The following C16orf74 variants were observed in gnomAD, a reference collection of about 807,000 sequenced individuals.
C16orf74 encodes uncharacterized protein C16orf74.
Under a neutral mutation model 6.5 loss-of-function variants are expected in C16orf74, and 10 were observed. That is an observed-to-expected ratio of 1.54 (90% confidence interval 0.95 to 2.61). C16orf74 has a LOEUF of 2.61. Among genes scored for constraint, C16orf74 ranks in the 30% most tolerant of loss-of-function variants. C16orf74 has a pLI of 0.00. For synonymous variants in C16orf74, 60 were observed against 42.5 expected (o/e 1.41, Z -1.60); for missense variants, 141 against 105.9 (o/e 1.33, Z -1.45).
At chr16:85,721,864 G>C (rs1353678674) in intron 2 of C16orf74, among the ~76,000 whole-genome samples, 1 of 151,986 alleles carries the variant, frequency 6.6e-6, no homozygotes, top group East Asian at 1.9e-4. Context: ...CCCTTGACCT[G>C]CTGTGTGGTC....
At chr16:85,742,517 C>T (rs1365798166) in intron 1 of C16orf74, among the ~76,000 whole-genome samples, 1 of 152,170 alleles carries the variant, frequency 6.6e-6, no homozygotes, top group South Asian at 2.1e-4. Flanking sequence ...TGTTTCTTGT[C>T]CAGCATGCAG....
chr16:85,751,064 T>C lies in C16orf74; in HGVS notation c.-157A>G, dbSNP rs1328440489. On this transcript the variant is annotated 5_prime_UTR_variant, in exon 1 of 4. An upstream start codon of the reference 5' UTR is lost. Coordinates refer to ENST00000284245, the MANE Select transcript of C16orf74 (RefSeq NM_206967.3). ...CTGCAAGACAGAGCAGCGGGGGTCA[T>C]GGCCCGGCCGGCGCTCGGGCAGCCG... 1 of 147,944 alleles carries C rather than the reference T, an allele frequency of 6.8e-6. No homozygotes were observed. Among genetic ancestry groups the C allele is most frequent in the Non-Finnish European group, 1.5e-5 (1 of 66,464 alleles). 9.2% of individuals were successfully genotyped at this position (147,944 alleles called of 1,614,324 possible). A position where few individuals can be genotyped will look rare whatever the true frequency, so the allele number is the denominator to read the frequency against.
At chr16:85,725,538 T>C (rs7190685) in intron 2 of C16orf74, among the ~76,000 whole-genome samples, 3,722 of 152,312 alleles carry the variant, frequency 0.024, 148 homozygotes, top group African/African-American at 0.084. Context: ...AAGATTCTGA[T>C]GTGGGTGGAG....
intron 2 of C16orf74, among the ~76,000 whole-genome samples, chr16:85,726,812 C>T (rs914701346): frequency 2.0e-5 from 3 of 152,194 alleles, no homozygotes; most frequent in African/African-American, 4.8e-5. Flanking sequence ...CCATCCTCTC[C>T]GGCGTTGTGG....
chr16:85,707,844 C>T lies in C16orf74; in HGVS notation c.*164G>A, dbSNP rs1460480520. ...AAACACTGTTCTGGAAGTGGACAGG[C>T]TGGATTCCTCGCTGGTCCTGCCACG... On this transcript the variant is annotated 3_prime_UTR_variant, in exon 4 of 4. Transcript: ENST00000284245. 2.2e-5 allele frequency: 14 copies of T among 625,618 alleles called. No individual in the cohort carries two copies. Among genetic ancestry groups the T allele is most frequent in the Non-Finnish European group, 3.4e-5 (12 of 354,474 alleles). 38.8% of individuals were successfully genotyped at this position (625,618 alleles called of 1,614,324 possible).
intron 2 of C16orf74, among the ~76,000 whole-genome samples, chr16:85,712,027 T>A (rs561093618): frequency 6.6e-6 from 1 of 152,204 alleles, no homozygotes; most frequent in Non-Finnish European, 1.5e-5. Context: ...ATAAAAGACA[T>A]TGCAACTTCC....
chr16:85,726,817 T>C (rs1344537693), intron 2 of C16orf74, among the ~76,000 whole-genome samples: 4 of 152,182 alleles, frequency 2.6e-5, no homozygotes, highest in Non-Finnish European at 2.9e-5. Flanking sequence ...CTCTCCGGCG[T>C]TGTGGCCCCT....
chr16:85,746,191 A>G (rs960151135), intron 1 of C16orf74, among the ~76,000 whole-genome samples: 5 of 152,048 alleles, frequency 3.3e-5, no homozygotes, highest in Non-Finnish European at 5.9e-5. Context: ...CTCTACTAAA[A>G]ATACAAAAAT....
intron 2 of C16orf74, among the ~76,000 whole-genome samples, chr16:85,725,477 C>T (rs1262281545): frequency 1.3e-5 from 2 of 152,208 alleles, no homozygotes; most frequent in African/African-American, 4.8e-5. Flanking sequence ...CCAATCTCAT[C>T]CCAACCTCTG....
At chr16:85,712,356 A>C (rs1032679900) in intron 2 of C16orf74, among the ~76,000 whole-genome samples, 2 of 152,244 alleles carry the variant, frequency 1.3e-5, no homozygotes, top group Non-Finnish European at 2.9e-5. Flanking sequence ...AAGTTTTGGC[A>C]TAGTTTGTTA....
chr16:85,740,811 AAGAGAGTGAGAC>A (rs2054297645), intron 1 of C16orf74, among the ~76,000 whole-genome samples: 1 of 134,506 alleles, frequency 7.4e-6, no homozygotes, highest in Non-Finnish European at 1.6e-5. Flanking sequence ...CAGCCTGGGC[AAGAGAGTGAGAC>A]CCTCAAAAAA....
chr16:85,749,741 T>G (rs1465279912), intron 1 of C16orf74, among the ~76,000 whole-genome samples: 1 of 152,192 alleles, frequency 6.6e-6, no homozygotes, highest in Non-Finnish European at 1.5e-5. Flanking sequence ...ACGCTCCCAT[T>G]TCAAGTCTCC....
chr16:85,741,144 C>G (rs74034069), intron 1 of C16orf74, among the ~76,000 whole-genome samples: 2 of 152,198 alleles, frequency 1.3e-5, no homozygotes, highest in African/African-American at 4.8e-5. Context: ...CTGGCCTCCC[C>G]ACCATGGTCT....
intron 1 of C16orf74, among the ~76,000 whole-genome samples, chr16:85,736,881 T>C (rs1272017701): frequency 6.6e-6 from 1 of 151,916 alleles, no homozygotes; most frequent in Admixed American, 6.6e-5. Context: ...CCATCTCTAC[T>C]AAAAATAAAA....
In C16orf74 at chr16:85,719,527, G is replaced by T. The variant is rs142226609; in HGVS notation, c.29-9220C>A. 1.1e-3 allele frequency among the ~76,000 whole-genome samples: 163 copies of T among 152,238 alleles called. 1 individual carries two copies. Among genetic ancestry groups the T allele is most frequent in the Non-Finnish European group, 1.9e-3 (128 of 68,010 alleles). ...CCCATCTTCCAGACGGGCACACTGA[G>T]GCACAGAGAAGTCAGGGCACAGCCT... On this transcript the variant is annotated intron_variant, in intron 2 of 3. Transcript: ENST00000284245.
chr16:85,708,328 C>T (rs972185887), intron 3 of C16orf74, among the ~76,000 whole-genome samples: 2 of 152,164 alleles, frequency 1.3e-5, no homozygotes, highest in African/African-American at 4.8e-5. Flanking sequence ...CTGTGTCTCC[C>T]CTATGCCCCC....
At chr16:85,723,594 G>A (rs2054104208) in intron 2 of C16orf74, among the ~76,000 whole-genome samples, 1 of 152,182 alleles carries the variant, frequency 6.6e-6, no homozygotes, top group South Asian at 2.1e-4. Context: ...TGGCAAAGCT[G>A]TCAAAATGTG....
intron 2 of C16orf74, among the ~76,000 whole-genome samples, chr16:85,731,708 G>A (rs1339854222): frequency 6.7e-6 from 1 of 149,126 alleles, no homozygotes; most frequent in Admixed American, 6.7e-5. Flanking sequence ...TTTTTTTTGA[G>A]ACAGGGTCTG....
intron 2 of C16orf74, among the ~76,000 whole-genome samples, chr16:85,715,265 A>C (rs1222224663): frequency 6.6e-6 from 1 of 152,116 alleles, no homozygotes; most frequent in Non-Finnish European, 1.5e-5. Context: ...CCTACCCCAA[A>C]CAACCACAGA....
Sources: allele counts gnomAD v4.1 joint callset (sites outside exome capture counted in the v4.1 genomes callset), GRCh38; gene constraint gnomAD v4.1.1; transcripts MANE v1.5; gene names NCBI Gene and HGNC (gene_info 2026-07-23, HGNC 2026-07-21).